HMX1: variants seen among roughly 807,000 people sequenced by gnomAD.
HMX1 encodes the protein homeobox protein HMX1.
In HMX1, 8 loss-of-function variants were observed where a neutral mutation model predicts 8.9. That is an observed-to-expected ratio of 0.90 (90% CI 0.53 to 1.63). The LOEUF (loss-of-function observed/expected upper bound fraction) is 1.63, where lower values mean the gene tolerates loss of function less well. Among genes scored for constraint, HMX1 ranks in the 40% most tolerant of loss-of-function variants. The pLI is 0.00. For synonymous variants in HMX1, 311 were observed against 283.4 expected, an observed-to-expected ratio of 1.10 and a Z score of -0.98; for missense variants, 621 against 558.5, an observed-to-expected ratio of 1.11 and a Z score of -1.13.
At position 8,868,751 on chromosome 4, in the gene HMX1, T is replaced by A. The variant is rs1348805484; in HGVS notation, c.395-406A>T. The stretch of plus-strand genomic sequence containing the variant: ...AAAACACACAAACCTCCCGCAGAAG[T>A]CCCGGGACAAGAGGAAAGATGTCCT... On this transcript the variant is annotated intron_variant, in intron 1 of 1. Coordinates refer to ENST00000400677, the MANE Select transcript of HMX1 (RefSeq NM_018942.3). The surrounding 1 kb of genome is among the most constrained non-coding windows in gnomAD (Gnocchi z 4.6). 6.6e-6 allele frequency among the ~76,000 whole-genome samples: 1 copy of A among 151,854 alleles called. No individual in the cohort carries two copies. Among genetic ancestry groups the A allele is most frequent in the African/African-American group, 2.4e-5 (1 of 41,314 alleles).
intron 1 of HMX1, among the ~76,000 whole-genome samples, chr4:8,869,283 C>CCAGGTTAA (rs1722132653): frequency 6.6e-6 from 1 of 152,234 alleles, no homozygotes; most frequent in Non-Finnish European, 1.5e-5. Flanking sequence ...TTAAAGAGGC[C>CCAGGTTAA]AGCCGGGACC....
chr4:8,857,753 G>A (rs935258580), intron 1 of HMX1, among the ~76,000 whole-genome samples: 1 of 152,134 alleles, frequency 6.6e-6, no homozygotes, highest in Non-Finnish European at 1.5e-5. Flanking sequence ...TGCATTTTAC[G>A]CGACAGGGGA....
intron 1 of HMX1, chr4:8,858,726 TCCAGGC>T (rs1031221237): frequency 1.2e-4 from 18 of 152,246 alleles, no homozygotes; most frequent in African/African-American, 3.9e-4. Flanking sequence ...GACGCTGAGC[TCCAGGC>T]AACGAAAAAC....
intron 1 of HMX1, among the ~76,000 whole-genome samples, chr4:8,859,880 C>T (rs1194434794): frequency 6.6e-6 from 1 of 152,250 alleles, no homozygotes; most frequent in Non-Finnish European, 1.5e-5. Context: ...AGAGCAGGCG[C>T]GGGCAGTGGC....
At chr4:8,852,537 A>T (rs1250471649) in intron 1 of HMX1, among the ~76,000 whole-genome samples, 5 of 152,180 alleles carry the variant, frequency 3.3e-5, no homozygotes, top group Non-Finnish European at 1.5e-5. Context: ...GCCTCACAGG[A>T]GGCTGCACAC....
rs139167528 is a variant in HMX1 at position 8,847,694 on chromosome 4, C to A, written c.395-1370G>T. ...GCAGTGCCCAGATTTGAACCTGGAG[C>A]TGTGGTCTTTCCAGTATATGAGGCC... On this transcript the variant is annotated intron_variant, in intron 1 of 1. Transcript: ENST00000506970. The surrounding 1 kb of genome is among the most constrained non-coding windows in gnomAD (Gnocchi z 6.0). Among the ~76,000 whole-genome samples, 2 of 152,206 alleles carry A rather than the reference C, an allele frequency of 1.3e-5. No individual in the cohort carries two copies. The highest frequency in any genetic ancestry group is 2.9e-5 in the Non-Finnish European group (2 of 68,042).
In HMX1 at chr4:8,871,441, C is replaced by CTCGGCGTCCTCGTCTTCGGGGTCG; in HGVS notation, c.150_173dup (p.Asp50_Ala57dup). The CTCGGCGTCCTCGTCTTCGGGGTCG allele has an allele frequency of 7.5e-7, 1 of 1,328,556 alleles. No individual in the cohort carries two copies. Among genetic ancestry groups the CTCGGCGTCCTCGTCTTCGGGGTCG allele is most frequent in the South Asian group, 1.6e-5 (1 of 63,418 alleles). The allele number at this position is 1,328,556 out of a possible 1,614,324, so 82.3% of individuals were successfully genotyped here. A position where few individuals can be genotyped will look rare whatever the true frequency, so the allele number is the denominator to read the frequency against. ...GCTGTAGCCGTCGCCGCCGCGCCTG[C>CTCGGCGTCCTCGTCTTCGGGGTCG]TCGGCGTCCTCGTCTTCGGGGTCGT... On this transcript the variant is annotated inframe_insertion, in exon 1 of 2. Transcript: ENST00000400677. This position sits in a 1 kb window ranked among gnomAD's most constrained non-coding sequence, Gnocchi z 4.8.
rs964870479 is a variant in HMX1 at position 8,849,597 on chromosome 4, G to C, written c.395-3273C>G. Reference sequence around the variant, plus strand: ...CTGAAGCCCATTGCCTGTGGCCCTTGGTCCCGGCAGCCCCAGGACACTCAC... The same window carrying C: ...CTGAAGCCCATTGCCTGTGGCCCTTCGTCCCGGCAGCCCCAGGACACTCAC... On this transcript the variant is annotated intron_variant, in intron 1 of 1. Coordinates refer to the HMX1 transcript ENST00000506970. This position sits in a 1 kb window ranked among gnomAD's most constrained non-coding sequence, Gnocchi z 6.6. Among the ~76,000 whole-genome samples the C allele has an allele frequency of 5.9e-4, 90 of 152,090 alleles. No homozygotes were observed. The highest frequency in any genetic ancestry group is 2.0e-3 in the African/African-American group (84 of 41,434).
chr4:8,868,248 T>G lies in HMX1; in HGVS notation c.492A>C (p.Ala164=). The change falls in exon 2 of 2, where the codon GCA becomes GCC. Residue 164 remains alanine, a synonymous_variant. Transcript: ENST00000400677. The surrounding 1 kb of genome is among the most constrained non-coding windows in gnomAD (Gnocchi z 4.6). Reference sequence around the variant, plus strand: ...CCGGGCCACGCGCCGCCAGCTCCGCTGCCTCCCGCTGCACCGCTCCCGGCC... The same window carrying G: ...CCGGGCCACGCGCCGCCAGCTCCGCGGCCTCCCGCTGCACCGCTCCCGGCC... ...GPGPGAVQRE[A]AELAARGPAA... 7.0e-7 allele frequency: 1 copy of G among 1,436,640 alleles called. No individual in the cohort carries two copies. The allele number at this position is 1,436,640 out of a possible 1,614,324, so 89.0% of individuals were successfully genotyped here.
intron 1 of HMX1, among the ~76,000 whole-genome samples, chr4:8,869,545 G>A (rs759059286): frequency 2.0e-4 from 31 of 152,242 alleles, no homozygotes; most frequent in Admixed American, 3.9e-4. Flanking sequence ...GCGCACACTG[G>A]TGGGCTTCTG....
Position 8,849,366 on chromosome 4 carries a change from T to C in HMX1, c.395-3042A>G, listed in dbSNP as rs1721373051. 1.3e-5 allele frequency among the ~76,000 whole-genome samples: 2 copies of C among 152,002 alleles called. No homozygotes were observed. Among genetic ancestry groups the C allele is most frequent in the South Asian group, 4.2e-4 (2 of 4,804 alleles). On this transcript the variant is annotated intron_variant, in intron 1 of 1. Coordinates refer to the HMX1 transcript ENST00000506970. This position sits in a 1 kb window ranked among gnomAD's most constrained non-coding sequence, Gnocchi z 6.6. Reference sequence around the variant, plus strand: ...AAGAGAACTTTGGACACAGACTCACTAGAGGCAGGGCAGCGTGAAGCCAAG... The same window carrying C: ...AAGAGAACTTTGGACACAGACTCACCAGAGGCAGGGCAGCGTGAAGCCAAG...
At chr4:8,852,949 TG>T (rs1397129196) in intron 1 of HMX1, among the ~76,000 whole-genome samples, 1 of 151,884 alleles carries the variant, frequency 6.6e-6, no homozygotes, top group Admixed American at 6.5e-5. Context: ...GCAGCCATTC[TG>T]TGACCTGGAG....
Position 8,871,367 on chromosome 4 carries a change from G to A in HMX1, c.248C>T (p.Ala83Val). The A allele has an allele frequency of 2.4e-6, 3 of 1,243,564 alleles. No homozygotes were observed. Among genetic ancestry groups the A allele is most frequent in the Non-Finnish European group, 3.0e-6 (3 of 993,324 alleles). The allele number at this position is 1,243,564 out of a possible 1,614,324, so 77.0% of individuals were successfully genotyped here. The change falls in exon 1 of 2, where the codon GCC becomes GTC. Residue 83 changes from alanine (A) to valine (V), a missense_variant. By Grantham distance (64) the Ala-to-Val change is moderately conservative (BLOSUM62 0). Coordinates refer to ENST00000400677, the MANE Select transcript of HMX1 (RefSeq NM_018942.3). The surrounding 1 kb of genome is among the most constrained non-coding windows in gnomAD (Gnocchi z 4.8). ...AGTGPGGEARARALLGPGALG... is the reference protein window; with the variant it reads ...AGTGPGGEARVRALLGPGALG... ...CGCGCCCGGCCCGAGCAGCGCACGG[G>A]CCCGCGCCTCCCCGCCGGGCCCGGT...
rs544102868 is a variant in HMX1 at position 8,857,772 on chromosome 4, C to T, written c.395-11448G>A. Reference sequence around the variant, plus strand: ...TTTTACGCGACAGGGGACTCGAGGTCCTTGAGGATCCCAAACTGCCGCAGC... The same window carrying T: ...TTTTACGCGACAGGGGACTCGAGGTTCTTGAGGATCCCAAACTGCCGCAGC... On this transcript the variant is annotated intron_variant, in intron 1 of 1. Transcript: ENST00000506970. 2.1e-4 allele frequency among the ~76,000 whole-genome samples: 32 copies of T among 152,290 alleles called. No homozygotes were observed. In the South Asian group the frequency reaches 6.4e-3, roughly 31 times the overall value.
At position 8,849,404 on chromosome 4, in the gene HMX1, A is replaced by G. The variant is rs1721374562; in HGVS notation, c.395-3080T>C. On this transcript the variant is annotated intron_variant, in intron 1 of 1. Transcript: ENST00000506970. The surrounding 1 kb of genome is among the most constrained non-coding windows in gnomAD (Gnocchi z 6.6). ...GCGTGAAGCCAAGGAGAAGGCGGGC[A>G]CTCAGCTGGCACCACGTGGCCTTGA... Among the ~76,000 whole-genome samples, 1 of 151,928 alleles carries G rather than the reference A, an allele frequency of 6.6e-6. No homozygotes were observed. Among genetic ancestry groups the G allele is most frequent in the Admixed American group, 6.5e-5 (1 of 15,268 alleles).
chr4:8,853,775 C>T lies in HMX1; in HGVS notation c.395-7451G>A, dbSNP rs1248834858. Among the ~76,000 whole-genome samples the T allele has an allele frequency of 1.3e-5, 2 of 151,970 alleles. No homozygotes were observed. Among genetic ancestry groups the T allele is most frequent in the Non-Finnish European group, 2.9e-5 (2 of 68,018 alleles). Reference sequence around the variant, plus strand: ...GGCTGAGACAGGAGAATTGTTTGAACCCGGGAGGTGGAGGTTGCAGTGAGC... The same window carrying T: ...GGCTGAGACAGGAGAATTGTTTGAATCCGGGAGGTGGAGGTTGCAGTGAGC... On this transcript the variant is annotated intron_variant, in intron 1 of 1. Transcript: ENST00000506970. The surrounding 1 kb of genome is among the most constrained non-coding windows in gnomAD (Gnocchi z 4.7).
In HMX1 at chr4:8,870,735, T is replaced by A. The variant is rs755202328; in HGVS notation, c.394+486A>T. ...TGATGCTACTTTGTCTCCCTTTCCC[T>A]CCATCTCTTCCTCCTCTTTTCTCTC... On this transcript the variant is annotated intron_variant, in intron 1 of 1. Transcript: ENST00000400677. The surrounding 1 kb of genome is among the most constrained non-coding windows in gnomAD (Gnocchi z 4.4). 1.0e-4 allele frequency among the ~76,000 whole-genome samples: 15 copies of A among 149,436 alleles called. No homozygotes were observed. The highest frequency in any genetic ancestry group is 2.2e-4 in the Non-Finnish European group (15 of 67,638).
At chr4:8,857,982 G>T (rs1206731992) in intron 1 of HMX1, among the ~76,000 whole-genome samples, 1 of 152,104 alleles carries the variant, frequency 6.6e-6, no homozygotes, top group Non-Finnish European at 1.5e-5. Flanking sequence ...GGGTGAAGCC[G>T]AGGGGTGGCT....
chr4:8,863,144 G>C (rs537388793), downstream of HMX1, among the ~76,000 whole-genome samples: 6 of 152,170 alleles, frequency 3.9e-5, no homozygotes, highest in Non-Finnish European at 5.9e-5. Flanking sequence ...GCATATGAGT[G>C]CACAGGCGGG....
Sources: allele counts gnomAD v4.1 joint callset (sites outside exome capture counted in the v4.1 genomes callset), GRCh38; gene constraint gnomAD v4.1.1; non-coding constraint Gnocchi (gnomAD v3.1); transcripts MANE v1.5; gene names NCBI Gene and HGNC (gene_info 2026-07-23, HGNC 2026-07-21).